The following NBAS variants were observed in gnomAD, a reference collection of about 807,000 sequenced individuals.
NBAS encodes the protein NBAS subunit of NRZ tethering complex, also known as NAG/BC035112 fusion.
A neutral mutation model predicts 302.5 loss-of-function variants in NBAS; 219 were observed. The observed-to-expected ratio is 0.72, with a 90% CI of 0.65 to 0.81. The LOEUF is 0.81. Ranked by LOEUF, NBAS falls within the 30% of genes least tolerant of loss-of-function variation. NBAS has a pLI of 0.00. For missense variants in NBAS, 2,932 were observed against 2,841.6 expected (o/e 1.03, Z -0.72); for synonymous variants, 1,118 against 1,021.6 (o/e 1.09, Z -1.80).
intron 45 of NBAS, 64 bp from the exon 46 acceptor site, chr2:15,234,811 A>C: frequency 6.6e-7 from 1 of 1,512,556 alleles, no homozygotes; most frequent in South Asian, 1.1e-5. Context: ...TACATGCACA[A>C]AGTGAAACAT....
chr2:14,982,389 T>C, the NBAS span, among the ~76,000 whole-genome samples: 2 of 152,136 alleles, frequency 1.3e-5, no homozygotes, highest in Non-Finnish European at 2.9e-5. Context: ...TTAGGGTGAT[T>C]TGTTATGCAG....
At chr2:15,532,748 A>G (rs1025311574) in intron 9 of NBAS, among the ~76,000 whole-genome samples, 2 of 152,196 alleles carry the variant, frequency 1.3e-5, no homozygotes, top group Non-Finnish European at 2.9e-5. Flanking sequence ...GGAAAGCAAG[A>G]AGTTGGGTGG....
At chr2:15,215,629 A>T (rs1666616997) in intron 48 of NBAS, among the ~76,000 whole-genome samples, 1 of 152,218 alleles carries the variant, frequency 6.6e-6, no homozygotes, top group Non-Finnish European at 1.5e-5. Context: ...GAAAAAAACA[A>T]GAGCTCATAC....
At chr2:15,241,943 C>CTT (rs1390482181) in intron 44 of NBAS, among the ~76,000 whole-genome samples, 5 of 152,192 alleles carry the variant, frequency 3.3e-5, no homozygotes, top group Non-Finnish European at 7.3e-5. Context: ...TTACCTGGTG[C>CTT]TTTTACTTGC....
chr2:14,867,559 G>A, the NBAS span, among the ~76,000 whole-genome samples: 181 of 152,226 alleles, frequency 1.2e-3, no homozygotes, highest in African/African-American at 4.2e-3. Context: ...TACAAGCATC[G>A]ACTGAGCACT....
At chr2:14,821,957 C>T in the NBAS span, among the ~76,000 whole-genome samples, 1 of 151,904 alleles carries the variant, frequency 6.6e-6, no homozygotes, top group Non-Finnish European at 1.5e-5. Context: ...CGCTTGAACT[C>T]GGGGGAAGGA....
At chr2:15,303,148 T>A (rs1007130274) in intron 40 of NBAS, among the ~76,000 whole-genome samples, 1 of 152,164 alleles carries the variant, frequency 6.6e-6, no homozygotes, top group Non-Finnish European at 1.5e-5. Context: ...TAATAAACTC[T>A]CCTTCATATA....
Position 15,471,864 on chromosome 2 carries a change from G to A in NBAS, c.1725+1358C>T, listed in dbSNP as rs553258451. On this transcript the variant is annotated intron_variant, in intron 16 of 51. Coordinates refer to ENST00000281513, the MANE Select transcript of NBAS (RefSeq NM_015909.4). Reference sequence around the variant, plus strand: ...CCAGGAGAGTGCCCTCACCAGGAACGAAATTGGCTAACACCTTGATTTTGC... The same window carrying A: ...CCAGGAGAGTGCCCTCACCAGGAACAAAATTGGCTAACACCTTGATTTTGC... 2.6e-5 allele frequency among the ~76,000 whole-genome samples: 4 copies of A among 152,236 alleles called. No homozygotes were observed. In the East Asian group the frequency reaches 5.8e-4, roughly 22 times the overall value.
At position 15,275,700 on chromosome 2, in the gene NBAS, C is replaced by A. The variant is rs763472560; in HGVS notation, c.5508G>T (p.Lys1836Asn). ...ISKLVPKIPE[K>N]DGQMLSPSSL... ...AGCTTGGGGAAAGCATCTGTCCATC[C>A]TTTTCAGGGATTTTGGGAACAAGTT... Residue 1836 changes from lysine (K) to asparagine (N), a missense_variant, in exon 44 of 52, where the codon AAG becomes AAT. By Grantham distance (94) the Lys-to-Asn change is moderately conservative (BLOSUM62 0). Coordinates refer to ENST00000281513, the MANE Select transcript of NBAS (RefSeq NM_015909.4). 9.3e-6 allele frequency: 15 copies of A among 1,614,038 alleles called. No individual in the cohort carries two copies. The African/African-American group carries it at 1.3e-4, about 14-fold the overall frequency.
At chr2:14,936,148 T>C in the NBAS span, among the ~76,000 whole-genome samples, 1 of 152,166 alleles carries the variant, frequency 6.6e-6, no homozygotes, top group East Asian at 1.9e-4. Flanking sequence ...CAAACCTAAA[T>C]GGGACAGTGC....
downstream of NBAS, among the ~76,000 whole-genome samples, chr2:15,165,388 A>G (rs1163973970): frequency 6.6e-6 from 1 of 152,226 alleles, no homozygotes; most frequent in Non-Finnish European, 1.5e-5. Flanking sequence ...AGGCTTGTGC[A>G]GGCCATTCCC....
chr2:15,382,925 G>A (rs971028756), intron 29 of NBAS, among the ~76,000 whole-genome samples: 2 of 152,144 alleles, frequency 1.3e-5, no homozygotes, highest in Non-Finnish European at 2.9e-5. Context: ...AGATGCATTA[G>A]ACAAGTGTTA....
At chr2:15,336,729 A>T (rs1378635262) in intron 35 of NBAS, among the ~76,000 whole-genome samples, 1 of 151,158 alleles carries the variant, frequency 6.6e-6, no homozygotes, top group Non-Finnish European at 1.5e-5. Flanking sequence ...GACTCCATAT[A>T]GGAAAAAAAA....
At chr2:15,002,473 C>A in the NBAS span, among the ~76,000 whole-genome samples, 1 of 152,194 alleles carries the variant, frequency 6.6e-6, no homozygotes, top group Non-Finnish European at 1.5e-5. Flanking sequence ...CTGGCTTCAC[C>A]CAGTGGATCC....
the NBAS span, among the ~76,000 whole-genome samples, chr2:15,097,293 C>A: frequency 6.6e-6 from 1 of 152,118 alleles, no homozygotes; most frequent in Non-Finnish European, 1.5e-5. Flanking sequence ...ATGTGCAAGA[C>A]ACTGGTCAGA....
intron 21 of NBAS, among the ~76,000 whole-genome samples, chr2:15,450,416 T>C (rs1031425305): frequency 6.6e-6 from 1 of 152,166 alleles, no homozygotes; most frequent in Non-Finnish European, 1.5e-5. Context: ...ATCCAAATCT[T>C]ACCTTTCCAA....
At chr2:15,423,328 G>A (rs1423966034) in intron 23 of NBAS, among the ~76,000 whole-genome samples, 1 of 152,080 alleles carries the variant, frequency 6.6e-6, no homozygotes, top group East Asian at 1.9e-4. Context: ...AAAGAGTTTA[G>A]TCTAGAATAT....
intron 44 of NBAS, among the ~76,000 whole-genome samples, chr2:15,265,824 C>G (rs1669050783): frequency 6.6e-6 from 1 of 152,042 alleles, no homozygotes; most frequent in Non-Finnish European, 1.5e-5. Flanking sequence ...AAAGCAGGCA[C>G]CAGGCAAGAG....
At chr2:15,303,878 C>T (rs746548721) in intron 40 of NBAS, among the ~76,000 whole-genome samples, 50 of 152,204 alleles carry the variant, frequency 3.3e-4, no homozygotes, top group Non-Finnish European at 6.2e-4. Context: ...TGTCCAACAT[C>T]CATCTTCAGT....
Sources: gnomAD v4.1 joint callset for allele counts (sites outside exome capture counted in the v4.1 genomes callset) on GRCh38, gnomAD v4.1.1 for gene constraint, MANE v1.5 for transcripts, NCBI Gene and HGNC (gene_info 2026-07-23, HGNC 2026-07-21) for gene names.